Variants in GPR89B observed in about 807,000 individuals in gnomAD.
GPR89B encodes golgi pH regulator B, also known as G protein-coupled receptor 89B.
A neutral mutation model predicts 52.4 loss-of-function variants in GPR89B; 25 were observed. The ratio of observed to expected loss-of-function variants is 0.48; its 90% CI spans 0.35 to 0.67. The LOEUF is 0.67. Ranked by LOEUF, GPR89B falls within the 30% of genes least tolerant of loss-of-function variation. The pLI, the probability that GPR89B is intolerant of heterozygous loss-of-function variation, is 0.01. For synonymous variants in GPR89B, 52 were observed against 151.2 expected (o/e 0.34, Z 4.81); for missense variants, 146 against 450.2 (o/e 0.32, Z 6.11).
At chr1:147,969,266 T>C (rs1219303702) in intron 9 of GPR89B, 98 of 409,636 alleles carry the variant, frequency 2.4e-4, no homozygotes, top group African/African-American at 1.9e-3. Context: ...TGGTAGCTAC[T>C]TTTTATTCCT....
the GPR89B span, among the ~76,000 whole-genome samples, chr1:148,014,236 A>G: frequency 8.6e-5 from 13 of 151,706 alleles, no homozygotes; most frequent in Admixed American, 7.9e-4. Context: ...AGGAGACCCA[A>G]GCTCTTGGTC....
At chr1:147,945,832 C>G (rs1400611772) in intron 5 of GPR89B, among the ~76,000 whole-genome samples, 2 of 151,222 alleles carry the variant, frequency 1.3e-5, no homozygotes, top group Non-Finnish European at 3.0e-5. Context: ...TCAAGTGATC[C>G]TCCTACCTCA....
intron 1 of GPR89B, among the ~76,000 whole-genome samples, chr1:147,930,267 G>A (rs1653459764): frequency 6.6e-6 from 1 of 152,178 alleles, no homozygotes; most frequent in African/African-American, 2.4e-5. Context: ...AGATATTTAT[G>A]TGGCTACTTT....
intron 1 of GPR89B, among the ~76,000 whole-genome samples, chr1:147,933,282 C>T (rs1653800350): frequency 6.6e-6 from 1 of 151,902 alleles, no homozygotes; most frequent in Non-Finnish European, 1.5e-5. Context: ...ACTGTCCCCA[C>T]TGCTTTAGCT....
chr1:147,990,724 G>GT (rs1659004484), intron 12 of GPR89B, among the ~76,000 whole-genome samples: 1 of 151,722 alleles, frequency 6.6e-6, no homozygotes, highest in Admixed American at 6.6e-5. Context: ...CCCATTTCTT[G>GT]TTTTTGTCAG....
intron 12 of GPR89B, 117 bp downstream of exon 12, chr1:147,988,638 GT>G: frequency 1.8e-6 from 1 of 545,382 alleles, no homozygotes; most frequent in Non-Finnish European, 3.3e-6. Flanking sequence ...GCTGAGGTGG[GT>G]GGATCACGAG....
intron 11 of GPR89B, among the ~76,000 whole-genome samples, chr1:147,988,199 A>AT (rs1266442286): frequency 2.0e-5 from 3 of 151,800 alleles, no homozygotes; most frequent in Non-Finnish European, 2.9e-5. Flanking sequence ...CAAAAAAAAT[A>AT]TTTTTTTAAT....
chr1:147,994,462 T>G (rs1429396647), downstream of GPR89B: 104 of 588,236 alleles, frequency 1.8e-4, no homozygotes, highest in African/African-American at 1.7e-3. Flanking sequence ...CTCACTAGAA[T>G]TTCTTTCTTT....
chr1:148,006,685 A>C, the GPR89B span, among the ~76,000 whole-genome samples: 1 of 151,894 alleles, frequency 6.6e-6, no homozygotes, highest in Non-Finnish European at 1.5e-5. Context: ...TATTAAATCG[A>C]GAACTTTTCA....
intron 10 of GPR89B, among the ~76,000 whole-genome samples, chr1:147,970,519 C>CTCTCTCTCTCTCTCTCTA (rs1657358891): frequency 1.3e-5 from 2 of 150,256 alleles, no homozygotes; most frequent in South Asian, 4.2e-4. Flanking sequence ...CTCTCTCTCT[C>CTCTCTCTCTCTCTCTCTA]TCTCTCTCTC....
At position 147,965,904 on chromosome 1, in the gene GPR89B, T is replaced by A. The variant is rs1192893365; in HGVS notation, c.618-650T>A. ...CTCTGTCACCTGGGCTGGCGTGCAGTGGCGTGATCTCAGCTCACTGCAACC... is the reference window on the plus strand; with the variant it reads ...CTCTGTCACCTGGGCTGGCGTGCAGAGGCGTGATCTCAGCTCACTGCAACC... On this transcript the variant is annotated intron_variant, in intron 7 of 13. Transcript: ENST00000314163. 2.5e-4 allele frequency among the ~76,000 whole-genome samples: 38 copies of A among 151,976 alleles called. 3 individuals are homozygous for A. Among genetic ancestry groups the A allele is most frequent in the African/African-American group, 9.0e-4 (37 of 41,230 alleles).
chr1:147,980,782 G>GCA (rs1349179321), intron 10 of GPR89B, among the ~76,000 whole-genome samples: 1 of 121,642 alleles, frequency 8.2e-6, no homozygotes, highest in Non-Finnish European at 1.6e-5. Context: ...TCCCGCCACT[G>GCA]CACTCCAGCC....
At chr1:147,985,434 GA>G (rs1658594606) in intron 10 of GPR89B, among the ~76,000 whole-genome samples, 1 of 151,720 alleles carries the variant, frequency 6.6e-6, no homozygotes, top group Non-Finnish European at 1.5e-5. Context: ...CCATTTCATT[GA>G]CATGTTTAGA....
the GPR89B span, among the ~76,000 whole-genome samples, chr1:148,006,718 C>CT: frequency 0.023 from 3,329 of 142,826 alleles, 81 homozygotes; most frequent in African/African-American, 0.058. Context: ...ACTTTACAGC[C>CT]TTTTTTTTTT....
intron 7 of GPR89B, among the ~76,000 whole-genome samples, chr1:147,965,630 G>T (rs1389661249): frequency 1.3e-5 from 2 of 152,006 alleles, no homozygotes; most frequent in East Asian, 3.9e-4. Context: ...GGAGTGGTAG[G>T]TTTCCTGTTG....
At position 147,986,226 on chromosome 1, in the gene GPR89B, G is replaced by C; in HGVS notation, c.937G>C (p.Val313Leu). 3 of 1,611,374 alleles carry C rather than the reference G, an allele frequency of 1.9e-6. No individual in the cohort carries two copies. Among genetic ancestry groups the C allele is most frequent in the South Asian group, 2.2e-5 (2 of 90,954 alleles). ...TACCATCAATATTGTTTTTGATCGA[G>C]TTGGGAAAACGGATCCTGTCACAAG... Reference protein sequence around the residue: ...MATINIVFDRVGKTDPVTRGI... With the variant: ...MATINIVFDRLGKTDPVTRGI... The change falls in exon 11 of 14, where the codon GTT becomes CTT. Residue 313 changes from valine to leucine, a missense_variant. Transcript: ENST00000314163.
At chr1:147,973,428 CT>C (rs1191906981) in intron 10 of GPR89B, among the ~76,000 whole-genome samples, 1 of 151,506 alleles carries the variant, frequency 6.6e-6, no homozygotes, top group Non-Finnish European at 1.5e-5. Flanking sequence ...TGAGCTTGAG[CT>C]TTTTTTCATA....
chr1:147,972,360 T>C (rs1379857794), intron 10 of GPR89B, among the ~76,000 whole-genome samples: 1 of 151,196 alleles, frequency 6.6e-6, no homozygotes, highest in Non-Finnish European at 1.5e-5. Flanking sequence ...AATGTCTGGA[T>C]CATATGGCAG....
chr1:147,984,010 A>T (rs1392063121), intron 10 of GPR89B, among the ~76,000 whole-genome samples: 4 of 151,194 alleles, frequency 2.6e-5, no homozygotes, highest in Admixed American at 1.3e-4. Context: ...AAAAATGATG[A>T]GTTCATGTCC....
Sources: allele counts gnomAD v4.1 joint callset (sites outside exome capture counted in the v4.1 genomes callset), GRCh38; gene constraint gnomAD v4.1.1; transcripts MANE v1.5; gene names NCBI Gene and HGNC (gene_info 2026-07-23, HGNC 2026-07-21).